The following FRYL variants were observed in gnomAD, a reference collection of about 807,000 sequenced individuals.
FRYL encodes the protein FRY like transcription coactivator, also known as protein furry homolog-like.
In FRYL, 150 loss-of-function variants were observed where a neutral mutation model predicts 351.2. The ratio of observed to expected loss-of-function variants is 0.43; its 90% confidence interval spans 0.37 to 0.49. The LOEUF (loss-of-function observed/expected upper bound fraction) is 0.49, where lower values mean the gene tolerates loss of function less well. FRYL is among the 20% of genes least tolerant of loss of function. The pLI, the probability that FRYL is intolerant of heterozygous loss-of-function variation, is 0.00. For synonymous variants in FRYL, 1,153 were observed against 1,257.1 expected (o/e 0.92, Z 1.75); for missense variants, 3,036 against 3,619.3 (o/e 0.84, Z 4.13).
Position 48,551,551 on chromosome 4 carries a change from A to G in FRYL, c.4463T>C (p.Val1488Ala). Reference protein sequence around the residue: ...SGTTSSSNTMVAPTDGNPDNK... With the variant: ...SGTTSSSNTMAAPTDGNPDNK... ...ATCAGGATTGCCATCTGTGGGAGCTACCATTGTATTGCTACTGGAAGTAGT... is the reference window on the plus strand; with the variant it reads ...ATCAGGATTGCCATCTGTGGGAGCTGCCATTGTATTGCTACTGGAAGTAGT... Residue 1488 changes from valine (V) to alanine (A), a missense_variant, in exon 37 of 64, where the codon GTA becomes GCA. By Grantham distance (64) the Val-to-Ala change is moderately conservative. Coordinates refer to ENST00000358350, the MANE Select transcript of FRYL (RefSeq NM_015030.2). The G allele has an allele frequency of 1.9e-6, 3 of 1,611,508 alleles. No homozygotes were observed. The highest frequency in any genetic ancestry group is 2.5e-6 in the Non-Finnish European group (3 of 1,177,944).
chr4:48,681,180 C>T (rs1764550933), intron 3 of FRYL: 1 of 785,920 alleles, frequency 1.3e-6, no homozygotes, highest in Non-Finnish European at 1.6e-6. Context: ...GTGCCTATAC[C>T]AACTTCCTTG....
chr4:48,561,580 A>C lies in FRYL; in HGVS notation c.3753T>G (p.Asp1251Glu), dbSNP rs755575480. The change falls in exon 33 of 64, where the codon GAT (aspartate) becomes GAG (glutamate). Residue 1251 changes from aspartate to glutamate, a missense_variant. By Grantham distance (45) the Asp-to-Glu change is conservative. Coordinates refer to ENST00000358350, the MANE Select transcript of FRYL (RefSeq NM_015030.2). ...GAGGAGACAGCTGGCTGAGTACTCC[A>C]TCTGTTCTCTGAACCTCCAATTTGT... ...YAHKLEVQRT[D>E]GVLSQLSPLP... is the part of the protein sequence containing the mutation. 1 of 1,612,906 alleles carries C rather than the reference A, an allele frequency of 6.2e-7. No homozygotes were observed. The highest frequency in any genetic ancestry group is 8.5e-7 in the Non-Finnish European group (1 of 1,179,140).
intron 55 of FRYL, chr4:48,520,516 ATACT>A (rs1209201078): frequency 1.3e-5 from 2 of 152,172 alleles, no homozygotes; most frequent in Non-Finnish European, 2.9e-5. Flanking sequence ...AAAAACACTA[ATACT>A]TACTTATTTT....
In FRYL at chr4:48,580,967, C is replaced by A. The variant is rs367584982; in HGVS notation, c.2173-16G>T. On this transcript the variant is annotated splice_polypyrimidine_tract_variant and intron_variant, in intron 21 of 63. Transcript: ENST00000358350. ...CATCATCACCCTGTAAAAAAGACAT[C>A]ATATGTCTAAAAAAATTAGGAATGT... 1.5e-4 allele frequency: 226 copies of A among 1,522,878 alleles called. No homozygotes were observed. In the African/African-American group the frequency reaches 2.8e-3, roughly 19 times the overall value. 94.3% of individuals were successfully genotyped at this position (1,522,878 alleles called of 1,614,324 possible).
At chr4:48,629,280 CTTG>C (rs1230762120) in intron 4 of FRYL, among the ~76,000 whole-genome samples, 2 of 152,082 alleles carry the variant, frequency 1.3e-5, no homozygotes, top group Non-Finnish European at 2.9e-5. Flanking sequence ...AGGTTGAACA[CTTG>C]TATAGCCAAC....
At chr4:48,610,422 T>C (rs1432925200) in intron 7 of FRYL, among the ~76,000 whole-genome samples, 1 of 151,824 alleles carries the variant, frequency 6.6e-6, no homozygotes, top group African/African-American at 2.4e-5. Flanking sequence ...AACAACTTCA[T>C]GTACATCCTT....
intron 3 of FRYL, among the ~76,000 whole-genome samples, chr4:48,655,686 G>A (rs966333199): frequency 9.6e-5 from 14 of 145,162 alleles, no homozygotes; most frequent in Admixed American, 2.8e-4. Context: ...ATTATATAAT[G>A]TATATATTAT....
In FRYL at chr4:48,512,337, TG is replaced by T. The variant is rs1722650278; in HGVS notation, c.8145+143del. On this transcript the variant is annotated intron_variant, in intron 57 of 63. Coordinates refer to ENST00000358350, the MANE Select transcript of FRYL (RefSeq NM_015030.2). Reference sequence around the variant, plus strand: ...CAGTACCACAATGTCACAGTGTCAATGTAAGTAATACCATTAGCTTAGAAAA... The same window carrying T: ...CAGTACCACAATGTCACAGTGTCAATTAAGTAATACCATTAGCTTAGAAAA... 1.8e-5 allele frequency: 11 copies of T among 608,800 alleles called. No individual in the cohort carries two copies. The East Asian group carries it at 3.1e-4, about 17-fold the overall frequency. 37.7% of individuals were successfully genotyped at this position (608,800 alleles called of 1,614,324 possible). A position where few individuals can be genotyped will look rare whatever the true frequency, so the allele number is the denominator to read the frequency against.
At chr4:48,703,741 A>C (rs1414343636) in intron 2 of FRYL, among the ~76,000 whole-genome samples, 1 of 152,134 alleles carries the variant, frequency 6.6e-6, no homozygotes, top group Non-Finnish European at 1.5e-5. Context: ...ACATATTTAG[A>C]CATAGTTTGT....
In FRYL at chr4:48,549,458, G is replaced by T; in HGVS notation, c.4784+15C>A. On this transcript the variant is annotated intron_variant, in intron 39 of 63. Transcript: ENST00000358350. This position sits in a 1 kb window ranked among gnomAD's most constrained non-coding sequence, Gnocchi z 4.2. ...AACTTGGTGCATATGTAAAAGGAAT[G>T]ACGCTGTAGTCCACCTGTGAAGAGG... 6.3e-7 allele frequency: 1 copy of T among 1,593,796 alleles called. No homozygotes were observed. The highest frequency in any genetic ancestry group is 1.1e-5 in the South Asian group (1 of 88,004).
chr4:48,655,043 T>C (rs1758539738), intron 3 of FRYL, among the ~76,000 whole-genome samples: 1 of 152,228 alleles, frequency 6.6e-6, no homozygotes, highest in South Asian at 2.1e-4. Context: ...AAGTCATAAC[T>C]GAATAAATTT....
At chr4:48,653,958 G>GC in intron 3 of FRYL, 1 of 1,190,356 alleles carries the variant, frequency 8.4e-7, no homozygotes, top group Non-Finnish European at 1.1e-6. Flanking sequence ...CAGTCTTGCA[G>GC]TGACGCACAA....
At chr4:48,539,914 C>T (rs995283910) in intron 47 of FRYL, 57 bp downstream of exon 47, 41 of 1,271,164 alleles carry the variant, frequency 3.2e-5, no homozygotes, top group Non-Finnish European at 4.7e-5. Flanking sequence ...CCTCCTTTAA[C>T]ATAGACTACA....
At chr4:48,655,258 A>C (rs946275543) in intron 3 of FRYL, among the ~76,000 whole-genome samples, 18 of 152,220 alleles carry the variant, frequency 1.2e-4, no homozygotes, top group African/African-American at 4.1e-4. Context: ...TGACCCAAAA[A>C]GTAAATTCAA....
chr4:48,770,419 T>C (rs1775392190), intron 1 of FRYL, among the ~76,000 whole-genome samples: 1 of 152,100 alleles, frequency 6.6e-6, no homozygotes, highest in Non-Finnish European at 1.5e-5. Flanking sequence ...TTTTTGTTAA[T>C]GTCTTTTTTA....
intron 33 of FRYL, among the ~76,000 whole-genome samples, chr4:48,558,632 A>C (rs1446706416): frequency 1.3e-5 from 2 of 152,216 alleles, no homozygotes; most frequent in East Asian, 3.8e-4. Context: ...CAAAAGATAA[A>C]AGAACATCTT....
chr4:48,575,268 C>T (rs1739360537), intron 24 of FRYL, 27 bp from the exon 25 acceptor site: 1 of 1,608,844 alleles, frequency 6.2e-7, no homozygotes, highest in Middle Eastern at 1.7e-4. Context: ...GTATTTGTAA[C>T]AGCCACTAAT....
At position 48,528,060 on chromosome 4, in the gene FRYL, A is replaced by T; in HGVS notation, c.7066-15T>A. 6.4e-7 allele frequency: 1 copy of T among 1,567,150 alleles called. No individual in the cohort carries two copies. Among genetic ancestry groups the T allele is most frequent in the Non-Finnish European group, 8.6e-7 (1 of 1,164,122 alleles). The stretch of plus-strand genomic sequence containing the variant: ...CTTGTTCTTCGCTAAAGGAAAAAAA[A>T]AAATTAAAATGTTAGGACTGCTGAT... On this transcript the variant is annotated splice_polypyrimidine_tract_variant and intron_variant, in intron 51 of 63. Coordinates refer to ENST00000358350, the MANE Select transcript of FRYL (RefSeq NM_015030.2).
At chr4:48,551,976 A>T (rs2148994776) in intron 36 of FRYL, among the ~76,000 whole-genome samples, 1 of 152,274 alleles carries the variant, frequency 6.6e-6, no homozygotes, top group East Asian at 1.9e-4. Flanking sequence ...CCCCAAATCT[A>T]CTTTCTTGCC....
Sources: gnomAD v4.1 joint callset for allele counts (sites outside exome capture counted in the v4.1 genomes callset) on GRCh38, gnomAD v4.1.1 for gene constraint, Gnocchi (gnomAD v3.1) non-coding constraint, MANE v1.5 for transcripts, NCBI Gene and HGNC (gene_info 2026-07-23, HGNC 2026-07-21) for gene names.